Variants in MTRES1 observed in about 807,000 individuals in gnomAD.
MTRES1 encodes the protein uncharacterized protein C6orf203.
In MTRES1, 11 loss-of-function variants were observed where a neutral mutation model predicts 17.4. The observed-to-expected ratio is 0.63, with a 90% CI of 0.40 to 1.05. The LOEUF is 1.05. MTRES1 is among the 50% of genes least tolerant of loss of function. The pLI is 0.00. For missense variants in MTRES1, 268 were observed against 276.2 expected (o/e 0.97, Z 0.21); for synonymous variants, 94 against 99.6 (o/e 0.94, Z 0.34).
rs1031765246 is a variant in MTRES1, at chr6:107,051,413, C to T, written c.*177C>T. The T allele has an allele frequency of 1.8e-6, 1 of 556,372 alleles. No individual in the cohort carries two copies. Among genetic ancestry groups the T allele is most frequent in the African/African-American group, 2.0e-5 (1 of 50,642 alleles). 34.5% of individuals were successfully genotyped at this position (556,372 alleles called of 1,614,324 possible). A position where few individuals can be genotyped will look rare whatever the true frequency, so the allele number is the denominator to read the frequency against. On this transcript the variant is annotated 3_prime_UTR_variant, in exon 4 of 4. Coordinates refer to ENST00000311381, the MANE Select transcript of MTRES1 (RefSeq NM_016487.5). Reference sequence around the variant, plus strand: ...CTTCCCAAGGCCTGCCTCACCTCCACCCCCTGCCCACCTTGATCCATGCTC... The same window carrying T: ...CTTCCCAAGGCCTGCCTCACCTCCATCCCCTGCCCACCTTGATCCATGCTC...
chr6:107,045,679 A>G (rs1352108536), intron 3 of MTRES1, among the ~76,000 whole-genome samples: 3 of 152,170 alleles, frequency 2.0e-5, no homozygotes, highest in Admixed American at 6.6e-5. Context: ...AATGGAAAAA[A>G]CAATACTGAT....
chr6:107,048,957 A>T (rs1554228789), intron 3 of MTRES1, among the ~76,000 whole-genome samples: 1 of 151,998 alleles, frequency 6.6e-6, no homozygotes, highest in East Asian at 1.9e-4. Context: ...GAGGAAGTTA[A>T]TGGTTTAAAA....
rs1161450173 is a variant in MTRES1 at position 107,051,366 on chromosome 6, T to C, written c.*130T>C. The C allele has an allele frequency of 3.7e-6, 3 of 809,182 alleles. No individual in the cohort carries two copies. In the Admixed American group the frequency reaches 8.8e-5, roughly 24 times the overall value. The allele number at this position is 809,182 out of a possible 1,614,324, so 50.1% of individuals were successfully genotyped here. On this transcript the variant is annotated 3_prime_UTR_variant, in exon 4 of 4. Coordinates refer to ENST00000311381, the MANE Select transcript of MTRES1 (RefSeq NM_016487.5). ...AATCTGCCGAGCCATTTTGTGGAAA[T>C]TGGGATCCATATCTGGAGACACTTC... is the stretch of plus-strand genomic sequence containing the variant.
At chr6:107,038,779 G>T (rs552368153) in intron 1 of MTRES1, among the ~76,000 whole-genome samples, 71 of 152,286 alleles carry the variant, frequency 4.7e-4, no homozygotes, top group African/African-American at 1.7e-3. Context: ...ACCAGGGCAG[G>T]CGTGGTGGCT....
rs55823720 is a variant in MTRES1, at chr6:107,028,202, C to G, written c.-82C>G. The G allele has an allele frequency of 6.6e-6, 1 of 152,116 alleles. No individual in the cohort carries two copies. The highest frequency in any genetic ancestry group is 6.5e-5 in the Admixed American group (1 of 15,284). The allele number at this position is 152,116 out of a possible 1,614,324, so 9.4% of individuals were successfully genotyped here. A position where few individuals can be genotyped will look rare whatever the true frequency, so the allele number is the denominator to read the frequency against. ...CGGCGCCGGCGGAAGGGGCGGGGCG[C>G]AGATAGGGGTAGCCTGGAGGCCTGC... On this transcript the variant is annotated 5_prime_UTR_variant, in exon 1 of 4. Coordinates refer to ENST00000311381, the MANE Select transcript of MTRES1 (RefSeq NM_016487.5).
chr6:107,048,510 G>A (rs1286096816), intron 3 of MTRES1, among the ~76,000 whole-genome samples: 11 of 151,546 alleles, frequency 7.3e-5, no homozygotes, highest in South Asian at 2.1e-4. Flanking sequence ...GGTTGGGCGC[G>A]GTGGCTCACA....
rs2114930704 is a variant in MTRES1 at position 107,028,289 on chromosome 6, G to A, written c.-13+18G>A. The A allele has an allele frequency of 6.6e-6, 1 of 152,448 alleles. No homozygotes were observed. Among genetic ancestry groups the A allele is most frequent in the Non-Finnish European group, 1.5e-5 (1 of 68,198 alleles). 9.4% of individuals were successfully genotyped at this position (152,448 alleles called of 1,614,324 possible). A position where few individuals can be genotyped will look rare whatever the true frequency, so the allele number is the denominator to read the frequency against. On this transcript the variant is annotated intron_variant, in intron 1 of 3. Coordinates refer to ENST00000311381, the MANE Select transcript of MTRES1 (RefSeq NM_016487.5). ...ACGTACAGGTGAGTGCGCCTCTGCT[G>A]GCGCGCCGCGCCGGGCCCCCTGCCC...
chr6:107,036,361 T>C (rs1554226941), intron 1 of MTRES1, among the ~76,000 whole-genome samples: 1 of 151,206 alleles, frequency 6.6e-6, no homozygotes, highest in Non-Finnish European at 1.5e-5. Flanking sequence ...CTGACCAATA[T>C]GGAGAAACCC....
At chr6:107,032,122 AGAG>A (rs1469180013) in intron 1 of MTRES1, among the ~76,000 whole-genome samples, 2 of 152,208 alleles carry the variant, frequency 1.3e-5, no homozygotes, top group African/African-American at 4.8e-5. Context: ...TTTATGGTAA[AGAG>A]GAGCAAGAAA....
intron 1 of MTRES1, among the ~76,000 whole-genome samples, chr6:107,031,098 G>T (rs963744120): frequency 1.3e-5 from 2 of 152,114 alleles, no homozygotes; most frequent in African/African-American, 4.8e-5. Context: ...TATCAGGGAG[G>T]GCCGGGCACA....
At chr6:107,036,686 C>CA (rs1179104084) in intron 1 of MTRES1, among the ~76,000 whole-genome samples, 1 of 151,510 alleles carries the variant, frequency 6.6e-6, no homozygotes, top group Non-Finnish European at 1.5e-5. Flanking sequence ...ACTAAAAATA[C>CA]AAAAAAATTA....
In MTRES1 at chr6:107,039,996, C is replaced by A; in HGVS notation, c.236C>A (p.Pro79His). ...GLLLSPECIFPFSVRLKSNIR... is the reference protein window; with the variant it reads ...GLLLSPECIFHFSVRLKSNIR... ...TTACTATCTCCAGAATGTATTTTTC[C>A]TTTTTCCGTAAGACTCAAAAGTAAT... The change falls in exon 2 of 4, where the codon CCT becomes CAT. Residue 79 changes from proline to histidine, a missense_variant. By Grantham distance (77) the Pro-to-His change is moderately conservative. Transcript: ENST00000311381. The A allele has an allele frequency of 6.2e-7, 1 of 1,613,670 alleles. No homozygotes were observed. Among genetic ancestry groups the A allele is most frequent in the Non-Finnish European group, 8.5e-7 (1 of 1,179,902 alleles).
At chr6:107,028,775 C>T (rs1333546496) in intron 1 of MTRES1, 11 of 508,340 alleles carry the variant, frequency 2.2e-5, no homozygotes, top group African/African-American at 1.7e-4. Flanking sequence ...TTTTTACAGA[C>T]ACTGCTTTTC....
intron 2 of MTRES1, among the ~76,000 whole-genome samples, chr6:107,043,399 T>G (rs986504331): frequency 1.3e-5 from 2 of 151,392 alleles, no homozygotes; most frequent in Non-Finnish European, 2.9e-5. Flanking sequence ...GCTTGAACAG[T>G]GTGGGGGTTA....
At chr6:107,035,788 A>C (rs13214051) in intron 1 of MTRES1, among the ~76,000 whole-genome samples, 42,495 of 151,740 alleles carry the variant, frequency 0.28, 6,207 homozygotes, top group South Asian at 0.34. Context: ...AGCTGAGATA[A>C]CAGGCACCCA....
intron 1 of MTRES1, among the ~76,000 whole-genome samples, chr6:107,031,988 AG>A (rs1554226501): frequency 6.6e-6 from 1 of 152,110 alleles, no homozygotes; most frequent in Non-Finnish European, 1.5e-5. Flanking sequence ...TGAAGAAGAG[AG>A]GCGTGATCGG....
Position 107,046,930 on chromosome 6 carries a change from T to TTGTGTG in MTRES1, c.543+2640_543+2645dup, listed in dbSNP as rs67662472. ...AAGGAAGCTCCAAAGGGATTCATTCTTGTGTGTGTGTGTGTGTGTGTGTGT... is the reference window on the plus strand; with the variant it reads ...AAGGAAGCTCCAAAGGGATTCATTCTTGTGTGTGTGTGTGTGTGTGTGTGTGTGTGT... On this transcript the variant is annotated intron_variant, in intron 3 of 3. Transcript: ENST00000311381. 3.6e-3 allele frequency among the ~76,000 whole-genome samples: 118 copies of TTGTGTG among 32,998 alleles called. 1 individual carries two copies. The highest frequency in any genetic ancestry group is 0.03 in the Middle Eastern group (3 of 100). 21.6% of individuals were successfully genotyped at this position (32,998 alleles called of 152,430 possible). A position where few individuals can be genotyped will look rare whatever the true frequency, so the allele number is the denominator to read the frequency against.
Position 107,048,442 on chromosome 6 carries a change from C to T in MTRES1, c.544-2615C>T, listed in dbSNP as rs115612934. Among the ~76,000 whole-genome samples the T allele has an allele frequency of 5.5e-3, 831 of 151,316 alleles. 10 individuals carry two copies. The highest frequency in any genetic ancestry group is 0.019 in the African/African-American group (774 of 41,320). ...ACCACGCCTGGCCTGTATTTCTAGA[C>T]GGATTTTTTAAAATGTCCACATAGG... On this transcript the variant is annotated intron_variant, in intron 3 of 3. Transcript: ENST00000311381.
At chr6:107,045,352 T>G (rs1346267545) in intron 3 of MTRES1, among the ~76,000 whole-genome samples, 1 of 151,836 alleles carries the variant, frequency 6.6e-6, no homozygotes, top group Admixed American at 6.6e-5. Flanking sequence ...GGTGTGGTGG[T>G]GGGCGCCTGT....
Sources: allele counts gnomAD v4.1 joint callset (sites outside exome capture counted in the v4.1 genomes callset), GRCh38; gene constraint gnomAD v4.1.1; transcripts MANE v1.5; gene names NCBI Gene and HGNC (gene_info 2026-07-23, HGNC 2026-07-21).